Variants in TRIM62 observed in about 807,000 individuals in gnomAD.
TRIM62 encodes tripartite motif containing 62.
Under a neutral mutation model 44.2 loss-of-function variants are expected in TRIM62, and 39 were observed. The ratio of observed to expected loss-of-function variants is 0.88; its 90% CI spans 0.68 to 1.15. The LOEUF is 1.15. TRIM62 is among the 50% of genes most tolerant of loss of function. The pLI, the probability that TRIM62 is intolerant of heterozygous loss-of-function variation, is 0.00. For synonymous variants in TRIM62, 278 were observed against 292.3 expected, an observed-to-expected ratio of 0.95 and a Z score of 0.50; for missense variants, 544 against 665.5, an observed-to-expected ratio of 0.82 and a Z score of 2.01.
Position 33,147,375 on chromosome 1 carries a change from C to T in TRIM62, c.1230G>A (p.Arg410=). 6.2e-7 allele frequency: 1 copy of T among 1,614,152 alleles called. No individual in the cohort carries two copies. The highest frequency in any genetic ancestry group is 1.1e-5 in the South Asian group (1 of 91,080). ...AGACACCCACCTTGTCAAGCTTGTC[C>T]CGGACGTTAAGCCGCGTCCAGGGCT... ...CTEPWTRLNV[R]DKLDKVGVFL... is the part of the protein sequence containing the mutation. The change falls in exon 5 of 5, where the codon CGG becomes CGA. Residue 410 remains arginine, a synonymous_variant. Transcript: ENST00000291416. The surrounding 1 kb of genome is among the most constrained non-coding windows in gnomAD (Gnocchi z 8.1).
Position 33,147,745 on chromosome 1 carries a change from G to A in TRIM62, c.878-18C>T. On this transcript the variant is annotated intron_variant, in intron 4 of 4. Coordinates refer to ENST00000291416, the MANE Select transcript of TRIM62 (RefSeq NM_018207.3). This position sits in a 1 kb window ranked among gnomAD's most constrained non-coding sequence, Gnocchi z 8.1. ...GGCTGGCACTGTGGGGGTTGGAGGA[G>A]GGAGAGAAGATGAGTGGGGAGAAGG... 1 of 1,601,274 alleles carries A rather than the reference G, an allele frequency of 6.2e-7. No individual in the cohort carries two copies. Among genetic ancestry groups the A allele is most frequent in the Non-Finnish European group, 8.5e-7 (1 of 1,171,732 alleles).
At chr1:33,171,581 G>A (rs866001849) in intron 1 of TRIM62, among the ~76,000 whole-genome samples, 11 of 152,138 alleles carry the variant, frequency 7.2e-5, no homozygotes, top group African/African-American at 2.2e-4. Flanking sequence ...TGTGCTGGCC[G>A]CTCCAGGGGT....
chr1:33,174,632 G>A (rs980910598), intron 1 of TRIM62, among the ~76,000 whole-genome samples: 1 of 152,174 alleles, frequency 6.6e-6, no homozygotes, highest in African/African-American at 2.4e-5. Context: ...CTTGAACCCA[G>A]TCCGTGGAAC....
At chr1:33,176,081 G>A (rs866793033) in intron 1 of TRIM62, among the ~76,000 whole-genome samples, 7 of 152,210 alleles carry the variant, frequency 4.6e-5, no homozygotes, top group African/African-American at 1.7e-4. Context: ...CACAGAGGCT[G>A]CTGTTGGCAT....
chr1:33,181,550 G>A lies in TRIM62; in HGVS notation c.-118C>T. 1 of 1,425,440 alleles carries A rather than the reference G, an allele frequency of 7.0e-7. No homozygotes were observed. The highest frequency in any genetic ancestry group is 9.1e-7 in the Non-Finnish European group (1 of 1,098,208). 88.3% of individuals were successfully genotyped at this position (1,425,440 alleles called of 1,614,324 possible). ...GGGGACGAGGCCCGCACAGGCAGGG[G>A]TAGGAGCTACCGGAGAAGGGAGGGG... On this transcript the variant is annotated 5_prime_UTR_variant, in exon 1 of 5. Coordinates refer to ENST00000291416, the MANE Select transcript of TRIM62 (RefSeq NM_018207.3). This position sits in a 1 kb window ranked among gnomAD's most constrained non-coding sequence, Gnocchi z 6.5.
intron 4 of TRIM62, among the ~76,000 whole-genome samples, chr1:33,149,504 G>A (rs1570284810): frequency 6.6e-6 from 1 of 152,090 alleles, no homozygotes; most frequent in African/African-American, 2.4e-5. Flanking sequence ...ACCCAGGCTG[G>A]AGTGCAGTAG....
chr1:33,155,821 G>A (rs767858258), intron 4 of TRIM62, among the ~76,000 whole-genome samples: 1 of 152,178 alleles, frequency 6.6e-6, no homozygotes, highest in Admixed American at 6.5e-5. Flanking sequence ...CCTTGGGGGG[G>A]ATCTGTGATT....
intron 1 of TRIM62, chr1:33,176,572 C>T (rs941553492): frequency 2.5e-5 from 14 of 569,996 alleles, no homozygotes; most frequent in East Asian, 2.3e-4. Flanking sequence ...CCGGATGCCA[C>T]GTCTGCTCTG....
At chr1:33,160,261 G>T (rs936951302) in intron 2 of TRIM62, among the ~76,000 whole-genome samples, 4 of 152,094 alleles carry the variant, frequency 2.6e-5, no homozygotes, top group Non-Finnish European at 4.4e-5. Context: ...TGGCTAGAGG[G>T]GTACAGAAGA....
In TRIM62 at chr1:33,177,071, A is replaced by ACACACACACATG. The variant is rs1557763479; in HGVS notation, c.408+3953_408+3954insCATGTGTGTGTG. Among the ~76,000 whole-genome samples, 4 of 11,114 alleles carry ACACACACACATG rather than the reference A, an allele frequency of 3.6e-4. No individual in the cohort carries two copies. The highest frequency in any genetic ancestry group is 2.4e-3 in the South Asian group (1 of 414). 7.3% of individuals were successfully genotyped at this position (11,114 alleles called of 152,430 possible). ...CACACGCACACACACACACATGCACACACACACATGCATGCACAAATGCAC... is the reference window on the plus strand; with the variant it reads ...CACACGCACACACACACACATGCACACACACACACATGCACACACATGCATGCACAAATGCAC... On this transcript the variant is annotated intron_variant, in intron 1 of 4. Coordinates refer to ENST00000291416, the MANE Select transcript of TRIM62 (RefSeq NM_018207.3). This position sits in a 1 kb window ranked among gnomAD's most constrained non-coding sequence, Gnocchi z 4.1.
chr1:33,154,939 A>G (rs1168752583), intron 4 of TRIM62, among the ~76,000 whole-genome samples: 1 of 150,876 alleles, frequency 6.6e-6, no homozygotes, highest in Non-Finnish European at 1.5e-5. Flanking sequence ...TAAAAATACA[A>G]AAAATTAGCC....
intron 2 of TRIM62, chr1:33,164,235 C>G (rs1645306812): frequency 6.6e-6 from 1 of 152,450 alleles, no homozygotes; most frequent in East Asian, 1.9e-4. Context: ...CCTGAGACCC[C>G]ACAGTGGGTT....
chr1:33,150,969 CCAGCAACA>C (rs1645088638), intron 4 of TRIM62, among the ~76,000 whole-genome samples: 1 of 152,102 alleles, frequency 6.6e-6, no homozygotes, highest in East Asian at 1.9e-4. Context: ...TGATTTGAGA[CCAGCAACA>C]GGCAGCAACC....
chr1:33,181,529 A>G lies in TRIM62; in HGVS notation c.-97T>C. On this transcript the variant is annotated 5_prime_UTR_variant, in exon 1 of 5. Coordinates refer to ENST00000291416, the MANE Select transcript of TRIM62 (RefSeq NM_018207.3). The surrounding 1 kb of genome is among the most constrained non-coding windows in gnomAD (Gnocchi z 6.5). ...GCAGCACCGAGGGCTGGGCGCGGGG[A>G]CGAGGCCCGCACAGGCAGGGGTAGG... is the stretch of plus-strand genomic sequence containing the variant. 3.0e-5 allele frequency: 44 copies of G among 1,450,670 alleles called. No individual in the cohort carries two copies. The highest frequency in any genetic ancestry group is 3.8e-5 in the Non-Finnish European group (42 of 1,111,562). 89.9% of individuals were successfully genotyped at this position (1,450,670 alleles called of 1,614,324 possible). A position where few individuals can be genotyped will look rare whatever the true frequency, so the allele number is the denominator to read the frequency against.
In TRIM62 at chr1:33,157,905, C is replaced by T. The variant is rs551267333; in HGVS notation, c.877+348G>A. ...TCGAGTAGCTGGGATTACAGGTGCA[C>T]GCCACCATGCCCAGCTAATTTTTGT... On this transcript the variant is annotated intron_variant, in intron 4 of 4. Coordinates refer to ENST00000291416, the MANE Select transcript of TRIM62 (RefSeq NM_018207.3). 1.1e-3 allele frequency among the ~76,000 whole-genome samples: 160 copies of T among 152,128 alleles called. 3 individuals carry two copies. The Middle Eastern group carries it at 0.02, about 19-fold the overall frequency.
chr1:33,153,299 G>C (rs1645129169), intron 4 of TRIM62, among the ~76,000 whole-genome samples: 1 of 152,228 alleles, frequency 6.6e-6, no homozygotes. Flanking sequence ...GCTGCTCTCT[G>C]AACTCCCCAG....
rs1645337434 is a variant in TRIM62, at chr1:33,167,322, G to C, written c.409-1756C>G. Among the ~76,000 whole-genome samples the C allele has an allele frequency of 6.6e-6, 1 of 152,192 alleles. No homozygotes were observed. The highest frequency in any genetic ancestry group is 1.5e-5 in the Non-Finnish European group (1 of 68,046). Reference sequence around the variant, plus strand: ...CCTCACTAGAATGTGAGTTTCATGAGAGTAGTAGGAATCTTGTCTGGCTTG... The same window carrying C: ...CCTCACTAGAATGTGAGTTTCATGACAGTAGTAGGAATCTTGTCTGGCTTG... On this transcript the variant is annotated intron_variant, in intron 1 of 4. Coordinates refer to ENST00000291416, the MANE Select transcript of TRIM62 (RefSeq NM_018207.3). The surrounding 1 kb of genome is among the most constrained non-coding windows in gnomAD (Gnocchi z 4.2).
At chr1:33,155,660 C>T (rs950446535) in intron 4 of TRIM62, among the ~76,000 whole-genome samples, 5 of 152,136 alleles carry the variant, frequency 3.3e-5, no homozygotes, top group African/African-American at 1.2e-4. Context: ...CAGCTCTGTG[C>T]CTCCGTTACT....
At chr1:33,179,380 C>T (rs1231199332) in intron 1 of TRIM62, among the ~76,000 whole-genome samples, 1 of 152,146 alleles carries the variant, frequency 6.6e-6, no homozygotes, top group Non-Finnish European at 1.5e-5. Context: ...CTCCTGAGGC[C>T]CATGGGCATC....
Sources: allele counts gnomAD v4.1 joint callset (sites outside exome capture counted in the v4.1 genomes callset), GRCh38; gene constraint gnomAD v4.1.1; non-coding constraint Gnocchi (gnomAD v3.1); transcripts MANE v1.5; gene names NCBI Gene and HGNC (gene_info 2026-07-23, HGNC 2026-07-21).